Variants in PPP1R16B observed in about 807,000 individuals in gnomAD.
The protein encoded by PPP1R16B is protein phosphatase 1 regulatory subunit 16B.
A neutral mutation model predicts 61.7 loss-of-function variants in PPP1R16B; 14 were observed. The ratio of observed to expected loss-of-function variants is 0.23; its 90% CI spans 0.15 to 0.35. PPP1R16B has a LOEUF of 0.35. Among genes scored for constraint, PPP1R16B ranks in the 10% least tolerant of loss-of-function variants. The pLI is 1.00. For missense variants in PPP1R16B, 547 were observed against 752.5 expected (o/e 0.73, Z 3.19); for synonymous variants, 266 against 305.3 (o/e 0.87, Z 1.34).
intron 1 of PPP1R16B, among the ~76,000 whole-genome samples, chr20:38,817,610 G>C (rs1241333382): frequency 6.7e-6 from 1 of 150,368 alleles, no homozygotes; most frequent in African/African-American, 2.4e-5. Flanking sequence ...TTGTCTAAAT[G>C]AGACAAGGCA....
chr20:38,859,404 G>A (rs1307095430), intron 2 of PPP1R16B, among the ~76,000 whole-genome samples: 1 of 152,110 alleles, frequency 6.6e-6, no homozygotes, highest in South Asian at 2.1e-4. Flanking sequence ...TCAACACAAT[G>A]ACCCCATGCC....
rs1191340404 is a variant in PPP1R16B at position 38,919,526 on chromosome 20, A to T, written c.*860A>T. 3 of 152,202 alleles carry T rather than the reference A, an allele frequency of 2.0e-5. No individual in the cohort carries two copies. The highest frequency in any genetic ancestry group is 4.8e-5 in the African/African-American group (2 of 41,428). 9.4% of individuals were successfully genotyped at this position (152,202 alleles called of 1,614,324 possible). On this transcript the variant is annotated 3_prime_UTR_variant, in exon 11 of 11. Transcript: ENST00000299824. Reference sequence around the variant, plus strand: ...TATTTACCAAAGTGTATCTGATTTTAAAAATTCCTTTAGTCTGTAAAACTC... The same window carrying T: ...TATTTACCAAAGTGTATCTGATTTTTAAAATTCCTTTAGTCTGTAAAACTC...
At chr20:38,834,756 T>C (rs953086020) in intron 1 of PPP1R16B, among the ~76,000 whole-genome samples, 6 of 152,116 alleles carry the variant, frequency 3.9e-5, no homozygotes, top group Non-Finnish European at 5.9e-5. Flanking sequence ...GATAAAACCA[T>C]AAACCCATGA....
chr20:38,893,141 A>G (rs756466537), intron 3 of PPP1R16B, among the ~76,000 whole-genome samples: 10 of 152,208 alleles, frequency 6.6e-5, no homozygotes, highest in Non-Finnish European at 1.2e-4. Context: ...TAAATGAGGC[A>G]ATGCATGGCC....
At chr20:38,842,469 T>G (rs1293876579) in intron 2 of PPP1R16B, among the ~76,000 whole-genome samples, 1 of 152,218 alleles carries the variant, frequency 6.6e-6, no homozygotes, top group Non-Finnish European at 1.5e-5. Context: ...GAAATTCTCA[T>G]TCAAAAAATG....
chr20:38,844,571 A>G (rs1037629431), intron 2 of PPP1R16B, among the ~76,000 whole-genome samples: 3 of 152,222 alleles, frequency 2.0e-5, no homozygotes, highest in Non-Finnish European at 4.4e-5. Flanking sequence ...ATTTTGTCAC[A>G]TGGAATATTA....
chr20:38,870,344 A>G (rs1171619944), intron 2 of PPP1R16B, among the ~76,000 whole-genome samples: 1 of 152,212 alleles, frequency 6.6e-6, no homozygotes, highest in African/African-American at 2.4e-5. Flanking sequence ...GGGGGAAACT[A>G]CAAGTCCACA....
At chr20:38,873,752 T>G (rs1011217584) in intron 2 of PPP1R16B, among the ~76,000 whole-genome samples, 3 of 151,180 alleles carry the variant, frequency 2.0e-5, no homozygotes, top group Non-Finnish European at 4.4e-5. Context: ...TGTTTTTTTT[T>G]TTTTGAGATG....
intron 1 of PPP1R16B, among the ~76,000 whole-genome samples, chr20:38,811,711 G>A (rs573743242): frequency 6.6e-6 from 1 of 152,332 alleles, no homozygotes; most frequent in Admixed American, 6.5e-5. Context: ...GTCTAAAGAC[G>A]TTTTTGGTTG....
chr20:38,836,255 G>C lies in PPP1R16B; in HGVS notation c.250+80G>C, dbSNP rs184820133. The C allele has an allele frequency of 3.3e-6, 5 of 1,532,612 alleles. No individual in the cohort carries two copies. The African/African-American group carries it at 5.5e-5, about 17-fold the overall frequency. 94.9% of individuals were successfully genotyped at this position (1,532,612 alleles called of 1,614,324 possible). A position where few individuals can be genotyped will look rare whatever the true frequency, so the allele number is the denominator to read the frequency against. On this transcript the variant is annotated intron_variant, in intron 2 of 10. Transcript: ENST00000299824. ...TTTGGAATCCAGGTTCTGTGCAGTA[G>C]ACGTGTGGGCAAGGCAGGTCTGCAG...
Position 38,832,646 on chromosome 20 carries a change from C to T in PPP1R16B, c.-101-3179C>T, listed in dbSNP as rs528061554. On this transcript the variant is annotated intron_variant, in intron 1 of 10. Coordinates refer to ENST00000299824, the MANE Select transcript of PPP1R16B (RefSeq NM_015568.4). ...TTTAAAAGTAAACATGTGCCAGGCGCGGGGGCTCACGCCTGTAATCTGAGC... is the reference window on the plus strand; with the variant it reads ...TTTAAAAGTAAACATGTGCCAGGCGTGGGGGCTCACGCCTGTAATCTGAGC... 8.5e-5 allele frequency among the ~76,000 whole-genome samples: 13 copies of T among 152,222 alleles called. No individual in the cohort carries two copies. The South Asian group carries it at 1.0e-3, about 12-fold the overall frequency.
chr20:38,906,101 C>T lies in PPP1R16B; in HGVS notation c.822+7C>T. On this transcript the variant is annotated splice_region_variant and intron_variant, in intron 7 of 10. Transcript: ENST00000299824. ...AGCTGCCTTCTGGGGACAGGTAGTT[C>T]TCACCCACAGGGCTGTGGGGGAGGC... 6.2e-7 allele frequency: 1 copy of T among 1,611,656 alleles called. No individual in the cohort carries two copies. Among genetic ancestry groups the T allele is most frequent in the African/African-American group, 1.3e-5 (1 of 75,002 alleles).
chr20:38,877,078 AC>A (rs1350058388), intron 2 of PPP1R16B, among the ~76,000 whole-genome samples: 1 of 152,220 alleles, frequency 6.6e-6, no homozygotes, highest in East Asian at 1.9e-4. Flanking sequence ...CCTCAAAGAT[AC>A]CAGCTGCAGA....
At chr20:38,863,869 A>G (rs2085072448) in intron 2 of PPP1R16B, among the ~76,000 whole-genome samples, 1 of 152,248 alleles carries the variant, frequency 6.6e-6, no homozygotes, top group Non-Finnish European at 1.5e-5. Flanking sequence ...ACATAAGTCT[A>G]CATAAACACT....
In PPP1R16B at chr20:38,914,580, G is replaced by C. The variant is rs1055407392; in HGVS notation, c.1195-3577G>C. Among the ~76,000 whole-genome samples the C allele has an allele frequency of 2.0e-5, 3 of 152,148 alleles. No individual in the cohort carries two copies. The South Asian group carries it at 6.2e-4, about 32-fold the overall frequency. On this transcript the variant is annotated intron_variant, in intron 10 of 10. Transcript: ENST00000299824. ...CCTGCATCATGAGAAAACCTCTTTC[G>C]TCTAACCCACATCCTTCAGGCTGGA...
At chr20:38,836,874 A>G (rs1380003153) in intron 2 of PPP1R16B, among the ~76,000 whole-genome samples, 5 of 152,312 alleles carry the variant, frequency 3.3e-5, no homozygotes, top group African/African-American at 1.2e-4. Context: ...GAGGAATACC[A>G]TAATAACTTT....
At chr20:38,882,240 C>T (rs2085208398) in intron 2 of PPP1R16B, among the ~76,000 whole-genome samples, 1 of 152,114 alleles carries the variant, frequency 6.6e-6, no homozygotes, top group African/African-American at 2.4e-5. Context: ...CCCCTGTATC[C>T]AGCCTGCAGA....
intron 2 of PPP1R16B, among the ~76,000 whole-genome samples, chr20:38,861,489 C>T (rs77245572): frequency 1.3e-5 from 2 of 152,204 alleles, no homozygotes; most frequent in East Asian, 3.9e-4. Context: ...GCCTCAGGGT[C>T]ACCATCCAAC....
intron 2 of PPP1R16B, among the ~76,000 whole-genome samples, chr20:38,839,637 A>C (rs139949819): frequency 2.0e-5 from 3 of 152,230 alleles, no homozygotes; most frequent in East Asian, 1.9e-4. Context: ...TCTTTTTTAA[A>C]AAGTTTTTAC....
Sources: allele counts gnomAD v4.1 joint callset (sites outside exome capture counted in the v4.1 genomes callset), GRCh38; gene constraint gnomAD v4.1.1; transcripts MANE v1.5; gene names NCBI Gene and HGNC (gene_info 2026-07-23, HGNC 2026-07-21).